The following VPS41 variants were observed in gnomAD, a reference collection of about 807,000 sequenced individuals.
VPS41 encodes VPS41 subunit of HOPS complex, also known as vacuolar protein sorting-associated protein 41 homolog.
VPS41 carries 85 observed loss-of-function variants against 130.9 expected under a neutral mutation model. That is an observed-to-expected ratio of 0.65 (90% CI 0.55 to 0.78). VPS41 has a LOEUF of 0.78. VPS41 is among the 30% of genes least tolerant of loss of function. VPS41 has a pLI of 0.00. For missense variants in VPS41, 874 were observed against 1,018.7 expected, an observed-to-expected ratio of 0.86 and a Z score of 1.93; for synonymous variants, 335 against 332.9, an observed-to-expected ratio of 1.01 and a Z score of -0.07.
chr7:38,884,247 A>G (rs1786672515), intron 2 of VPS41, among the ~76,000 whole-genome samples: 1 of 152,226 alleles, frequency 6.6e-6, no homozygotes, highest in African/African-American at 2.4e-5. Flanking sequence ...AAACTGAAAA[A>G]GAACTCTCTT....
rs1232725582 is a variant in VPS41, at chr7:38,724,159, A to G, written c.*2087T>C. On this transcript the variant is annotated 3_prime_UTR_variant, in exon 29 of 29. Coordinates refer to ENST00000310301, the MANE Select transcript of VPS41 (RefSeq NM_014396.4). Reference sequence around the variant, plus strand: ...TATTTTCTCCTTTTCTATAAGTAGGATTTTCTTTATGTCCAAATAGGACTT... The same window carrying G: ...TATTTTCTCCTTTTCTATAAGTAGGGTTTTCTTTATGTCCAAATAGGACTT... 6.6e-6 allele frequency: 1 copy of G among 152,174 alleles called. No individual in the cohort carries two copies. The highest frequency in any genetic ancestry group is 1.5e-5 in the Non-Finnish European group (1 of 68,034). The allele number at this position is 152,174 out of a possible 1,614,324, so 9.4% of individuals were successfully genotyped here.
At chr7:38,781,871 T>C (rs199527483) in intron 10 of VPS41, among the ~76,000 whole-genome samples, 16 of 152,250 alleles carry the variant, frequency 1.1e-4, no homozygotes, top group East Asian at 1.9e-4. Flanking sequence ...CCTCTGAAAC[T>C]GGAAATTACA....
chr7:38,832,736 C>T (rs1562603120), intron 4 of VPS41, among the ~76,000 whole-genome samples: 1 of 152,136 alleles, frequency 6.6e-6, no homozygotes, highest in East Asian at 1.9e-4. Flanking sequence ...AATTGGAGCA[C>T]GTAGCACCAC....
chr7:38,810,075 T>A (rs929633852), intron 7 of VPS41, among the ~76,000 whole-genome samples: 1 of 151,534 alleles, frequency 6.6e-6, no homozygotes, highest in Non-Finnish European at 1.5e-5. Context: ...CTCTCTCCAA[T>A]GGCACTTTTA....
intron 14 of VPS41, among the ~76,000 whole-genome samples, chr7:38,768,007 G>A (rs1311235663): frequency 6.6e-6 from 1 of 152,070 alleles, no homozygotes; most frequent in East Asian, 1.9e-4. Flanking sequence ...TCTACCCCAA[G>A]TCTGAAGAGA....
chr7:38,881,802 G>A (rs1215401546), intron 2 of VPS41, among the ~76,000 whole-genome samples: 2 of 152,048 alleles, frequency 1.3e-5, no homozygotes, highest in Non-Finnish European at 1.5e-5. Context: ...TTGTTGAGAC[G>A]ATTAATAAAA....
chr7:38,753,489 G>C (rs1783724996), intron 21 of VPS41, among the ~76,000 whole-genome samples: 1 of 152,022 alleles, frequency 6.6e-6, no homozygotes, highest in South Asian at 2.1e-4. Context: ...GGGGATATGT[G>C]GTGCTGTTTC....
At chr7:38,857,463 G>A (rs1425742583) in intron 4 of VPS41, among the ~76,000 whole-genome samples, 1 of 152,074 alleles carries the variant, frequency 6.6e-6, no homozygotes, top group East Asian at 1.9e-4. Context: ...ACACTTAAAG[G>A]AATAAATATT....
At chr7:38,907,147 G>A (rs1203691309) in intron 1 of VPS41, among the ~76,000 whole-genome samples, 2 of 151,952 alleles carry the variant, frequency 1.3e-5, no homozygotes, top group African/African-American at 2.4e-5. Context: ...GAAAAATAAT[G>A]CAGGAAGGTT....
chr7:38,740,631 C>T (rs34255278), intron 25 of VPS41, among the ~76,000 whole-genome samples: 3,047 of 152,252 alleles, frequency 0.02, 40 homozygotes, highest in South Asian at 0.039. Flanking sequence ...TTTGGCTTAA[C>T]GAATACCAAT....
intron 12 of VPS41, among the ~76,000 whole-genome samples, chr7:38,773,610 C>T (rs1039985400): frequency 1.3e-5 from 2 of 152,130 alleles, no homozygotes; most frequent in African/African-American, 4.8e-5. Context: ...ATGGTTCTCC[C>T]TGTATTTATG....
chr7:38,767,687 G>T, intron 14 of VPS41, 89 bp from the exon 15 acceptor site: 2 of 855,386 alleles, frequency 2.3e-6, no homozygotes, highest in Non-Finnish European at 3.8e-6. Context: ...ATAACATTAG[G>T]GTCCTATTAG....
At chr7:38,890,217 T>C (rs1786830721) in intron 2 of VPS41, among the ~76,000 whole-genome samples, 1 of 152,206 alleles carries the variant, frequency 6.6e-6, no homozygotes, top group African/African-American at 2.4e-5. Context: ...ATCATTACTT[T>C]AAATGTGAGT....
chr7:38,784,811 G>A (rs1480928288), intron 10 of VPS41, among the ~76,000 whole-genome samples: 1 of 152,190 alleles, frequency 6.6e-6, no homozygotes, highest in Non-Finnish European at 1.5e-5. Context: ...TTGCAGTGCT[G>A]CTGCAAGGGC....
chr7:38,830,464 A>G, intron 4 of VPS41, 136 bp from the exon 5 acceptor site: 1 of 700,072 alleles, frequency 1.4e-6, no homozygotes, highest in Non-Finnish European at 2.6e-6. Flanking sequence ...ATCTTACACA[A>G]AGCACAGTAG....
At chr7:38,901,711 A>G (rs1350964422) in intron 1 of VPS41, among the ~76,000 whole-genome samples, 1 of 152,134 alleles carries the variant, frequency 6.6e-6, no homozygotes, top group East Asian at 1.9e-4. Context: ...CAACAATGTG[A>G]GTGTATTTAA....
rs1273740885 is a variant in VPS41 at position 38,728,744 on chromosome 7, CAA to C, written c.2305_2306del (p.Leu769ValfsTer17). 13 of 1,614,112 alleles carry C rather than the reference CAA, an allele frequency of 8.1e-6. No individual in the cohort carries two copies. The highest frequency in any genetic ancestry group is 1.7e-5 in the Admixed American group (1 of 60,018). On this transcript the variant is annotated frameshift_variant, in exon 26 of 29. Coordinates refer to ENST00000310301, the MANE Select transcript of VPS41 (RefSeq NM_014396.4). LOFTEE classifies it high-confidence loss of function. ...TTCGGTGCATTTTCTTCAGTAAGGA[CAA>C]AGAGTCAGCTACGAGAATCTTCTTG... ...GCKKILVADS[L>X]SLLKKMHRTQ...
At chr7:38,905,696 G>C (rs1393951704) in intron 1 of VPS41, among the ~76,000 whole-genome samples, 1 of 152,114 alleles carries the variant, frequency 6.6e-6, no homozygotes, top group Non-Finnish European at 1.5e-5. Context: ...GAGATTACTG[G>C]CATTTATGAT....
rs1795515526 is a variant in VPS41 at position 38,725,263 on chromosome 7, A to G, written c.*983T>C. On this transcript the variant is annotated 3_prime_UTR_variant, in exon 29 of 29. Transcript: ENST00000310301. ...CAAGGAAGATGAAGCCAGTAACTGT[A>G]AGACACAATTACAAGTTTGACTTTT... is the stretch of plus-strand genomic sequence containing the variant. 3 of 152,252 alleles carry G rather than the reference A, an allele frequency of 2.0e-5. No homozygotes were observed. In the South Asian group the frequency reaches 6.2e-4, roughly 32 times the overall value. The allele number at this position is 152,252 out of a possible 1,614,324, so 9.4% of individuals were successfully genotyped here.
Sources: gnomAD v4.1 joint callset for allele counts (sites outside exome capture counted in the v4.1 genomes callset) on GRCh38, gnomAD v4.1.1 for gene constraint, MANE v1.5 for transcripts, NCBI Gene and HGNC (gene_info 2026-07-23, HGNC 2026-07-21) for gene names.